PDGFC: variants seen among roughly 807,000 people sequenced by gnomAD.
PDGFC encodes platelet-derived growth factor C.
PDGFC carries 12 observed loss-of-function variants against 35.5 expected under a neutral mutation model. The ratio of observed to expected loss-of-function variants is 0.34; its 90% CI spans 0.22 to 0.55. The LOEUF is 0.55. PDGFC is among the 20% of genes least tolerant of loss of function. The pLI, the probability that PDGFC is intolerant of heterozygous loss-of-function variation, is 0.91. For missense variants in PDGFC, 322 were observed against 412.4 expected (o/e 0.78, Z 1.90); for synonymous variants, 159 against 148.8 (o/e 1.07, Z -0.50).
chr4:156,867,707 TC>T (rs1729879332), intron 1 of PDGFC, among the ~76,000 whole-genome samples: 1 of 152,170 alleles, frequency 6.6e-6, no homozygotes, highest in African/African-American at 2.4e-5. Flanking sequence ...CTCCTGCTGT[TC>T]ACGAACTTGT....
rs148474740 is a variant in PDGFC at position 156,933,557 on chromosome 4, T to G, written c.118+37229A>C. On this transcript the variant is annotated intron_variant, in intron 1 of 5. Coordinates refer to ENST00000502773, the MANE Select transcript of PDGFC (RefSeq NM_016205.3). ...ATTTTTTGCTATTATTTGGTAATTT[T>G]GCTGTTTAAAATTTCCCAAAGCATA... 6.1e-3 allele frequency among the ~76,000 whole-genome samples: 936 copies of G among 152,320 alleles called. 17 individuals are homozygous for G. The East Asian group carries it at 0.071, about 11-fold the overall frequency.
At chr4:156,814,335 T>C (rs1408009570) in intron 2 of PDGFC, among the ~76,000 whole-genome samples, 1 of 152,050 alleles carries the variant, frequency 6.6e-6, no homozygotes, top group Non-Finnish European at 1.5e-5. Context: ...AAAAGCATCC[T>C]GAGAAGGAGC....
At chr4:156,795,325 A>G (rs1731411483) in intron 3 of PDGFC, among the ~76,000 whole-genome samples, 1 of 152,210 alleles carries the variant, frequency 6.6e-6, no homozygotes, top group South Asian at 2.1e-4. Flanking sequence ...GGAAAGCCTC[A>G]TAAAATCATG....
rs571372509 is a variant in PDGFC, at chr4:156,948,215, T to TA, written c.118+22570dup. ...CAAGGCTCAAGAGGGGATGTACAGC[T>TA]AAAAAAAAAAAAAAAAGGAAAAGAC... On this transcript the variant is annotated intron_variant, in intron 1 of 5. Coordinates refer to ENST00000502773, the MANE Select transcript of PDGFC (RefSeq NM_016205.3). 6.2e-3 allele frequency among the ~76,000 whole-genome samples: 637 copies of TA among 102,636 alleles called. 1 individual carries two copies. The highest frequency in any genetic ancestry group is 0.015 in the African/African-American group (419 of 27,522). 67.3% of individuals were successfully genotyped at this position (102,636 alleles called of 152,430 possible).
chr4:156,824,331 C>CATATACACAT (rs1340816955), intron 2 of PDGFC, among the ~76,000 whole-genome samples: 11 of 76,212 alleles, frequency 1.4e-4, no homozygotes, highest in Admixed American at 6.1e-4. Flanking sequence ...TATATATACA[C>CATATACACAT]ACACACACAC....
chr4:156,855,927 T>C (rs1021733190), intron 1 of PDGFC, among the ~76,000 whole-genome samples: 1 of 152,176 alleles, frequency 6.6e-6, no homozygotes, highest in Non-Finnish European at 1.5e-5. Context: ...CCTAATCTTA[T>C]TTGATTCTGT....
At chr4:156,821,777 C>T (rs552310269) in intron 2 of PDGFC, among the ~76,000 whole-genome samples, 4 of 152,066 alleles carry the variant, frequency 2.6e-5, no homozygotes, top group South Asian at 4.2e-4. Flanking sequence ...CTTGAGCTCC[C>T]GGCCTCAACT....
chr4:156,812,454 T>C (rs1454389227), intron 2 of PDGFC, among the ~76,000 whole-genome samples: 1 of 152,132 alleles, frequency 6.6e-6, no homozygotes, highest in Non-Finnish European at 1.5e-5. Flanking sequence ...ATGAATTGCA[T>C]TTCAGAATAC....
chr4:156,766,289 C>G (rs1376476601), intron 5 of PDGFC, among the ~76,000 whole-genome samples: 1 of 152,006 alleles, frequency 6.6e-6, no homozygotes, highest in Non-Finnish European at 1.5e-5. Context: ...TATAAGGTTC[C>G]TGACTTGCTT....
intron 2 of PDGFC, 45 bp from the exon 3 acceptor site, chr4:156,811,062 A>C (rs2110945152): frequency 7.7e-7 from 1 of 1,299,690 alleles, no homozygotes; most frequent in South Asian, 1.5e-5. Context: ...ATAATCTGTT[A>C]TTCTGGCAAT....
intron 3 of PDGFC, among the ~76,000 whole-genome samples, chr4:156,777,824 C>A (rs929784374): frequency 2.6e-5 from 4 of 152,162 alleles, no homozygotes; most frequent in Non-Finnish European, 2.9e-5. Flanking sequence ...AGGGCTCACA[C>A]AGGTGCAGTG....
intron 1 of PDGFC, among the ~76,000 whole-genome samples, chr4:156,910,840 T>A (rs1383403087): frequency 6.6e-6 from 1 of 152,156 alleles, no homozygotes; most frequent in East Asian, 1.9e-4. Flanking sequence ...TGTAGATCCC[T>A]TTTCTGTGTA....
intron 2 of PDGFC, among the ~76,000 whole-genome samples, chr4:156,843,673 A>G (rs181910847): frequency 5.9e-5 from 9 of 152,262 alleles, no homozygotes; most frequent in African/African-American, 1.9e-4. Context: ...CATGAACAAG[A>G]CTGAAATTGT....
At position 156,899,992 on chromosome 4, in the gene PDGFC, T is replaced by C. The variant is rs909504200; in HGVS notation, c.119-49576A>G. 7.2e-5 allele frequency among the ~76,000 whole-genome samples: 11 copies of C among 152,296 alleles called. 1 individual carries two copies. In the Middle Eastern group the frequency reaches 0.01, roughly 141 times the overall value. ...TTCTGGTAATCTGACTTATCATAAT[T>C]CATTTATAAACTAAGATCATGACCT... On this transcript the variant is annotated intron_variant, in intron 1 of 5. Coordinates refer to ENST00000502773, the MANE Select transcript of PDGFC (RefSeq NM_016205.3).
chr4:156,879,981 T>A (rs201574798), intron 1 of PDGFC, among the ~76,000 whole-genome samples: 1 of 152,218 alleles, frequency 6.6e-6, no homozygotes, highest in East Asian at 1.9e-4. Context: ...GTGAGTAAGC[T>A]GCAGAAAAGC....
chr4:156,942,479 T>G (rs1731832936), intron 1 of PDGFC, among the ~76,000 whole-genome samples: 1 of 151,950 alleles, frequency 6.6e-6, no homozygotes. Flanking sequence ...TTTTTTCTAG[T>G]AACACTACAG....
At chr4:156,789,555 CTCA>C (rs1731232200) in intron 3 of PDGFC, among the ~76,000 whole-genome samples, 1 of 152,064 alleles carries the variant, frequency 6.6e-6, no homozygotes, top group South Asian at 2.1e-4. Context: ...CCAACTAGCA[CTCA>C]TCATCTAGCT....
chr4:156,768,056 T>C (rs1015365643), intron 4 of PDGFC, 66 bp from the exon 5 acceptor site: 23 of 910,062 alleles, frequency 2.5e-5, no homozygotes, highest in Non-Finnish European at 3.8e-5. Context: ...TGTATTTCAT[T>C]AAGCTCTTTT....
At chr4:156,890,765 A>T (rs1478940981) in intron 1 of PDGFC, among the ~76,000 whole-genome samples, 3 of 152,250 alleles carry the variant, frequency 2.0e-5, no homozygotes, top group African/African-American at 7.2e-5. Flanking sequence ...GAAATGTGCA[A>T]TGTTACATGT....
Sources: allele counts gnomAD v4.1 joint callset (sites outside exome capture counted in the v4.1 genomes callset), GRCh38; gene constraint gnomAD v4.1.1; transcripts MANE v1.5; gene names NCBI Gene and HGNC (gene_info 2026-07-23, HGNC 2026-07-21).